The following CSMD1 variants were observed in gnomAD, a reference collection of about 807,000 sequenced individuals.
The protein encoded by CSMD1 is CUB and sushi domain-containing protein 1.
In CSMD1, 213 loss-of-function variants were observed where a neutral mutation model predicts 417.5. The observed-to-expected ratio is 0.51, with a 90% CI of 0.46 to 0.57. The LOEUF (loss-of-function observed/expected upper bound fraction) is 0.57. CSMD1 is among the 20% of genes least tolerant of loss of function. CSMD1 has a pLI of 0.00. For synonymous variants in CSMD1, 2,862 were observed against 1,736.8 expected, an observed-to-expected ratio of 1.65 and a Z score of -16.11; for missense variants, 6,923 against 4,529.7, an observed-to-expected ratio of 1.53 and a Z score of -15.17.
chr8:3,189,043 A>C, intron 34 of CSMD1, 32 bp from the exon 35 acceptor site: 7 of 1,598,632 alleles, frequency 4.4e-6, no homozygotes, highest in Non-Finnish European at 6.0e-6. Context: ...CATGAAATAA[A>C]GTGCTGTGGG....
At chr8:4,127,867 G>A (rs1212854820) in intron 3 of CSMD1, among the ~76,000 whole-genome samples, 1 of 152,114 alleles carries the variant, frequency 6.6e-6, no homozygotes, top group Admixed American at 6.5e-5. Flanking sequence ...AAGAAACCCA[G>A]ACACTGCCAG....
chr8:4,084,917 CA>C (rs151214897), intron 3 of CSMD1, among the ~76,000 whole-genome samples: 1,864 of 152,090 alleles, frequency 0.012, 39 homozygotes, highest in African/African-American at 0.041. Context: ...AAAACAAAAA[CA>C]AAACTACAAA....
At chr8:3,278,812 G>C (rs1213062538) in intron 26 of CSMD1, 2 of 152,156 alleles carry the variant, frequency 1.3e-5, no homozygotes, top group African/African-American at 4.8e-5. Flanking sequence ...GGTTTGGAAA[G>C]ACACCAGCTT....
chr8:4,226,238 A>C (rs150780467), intron 3 of CSMD1, among the ~76,000 whole-genome samples: 4 of 152,200 alleles, frequency 2.6e-5, no homozygotes, highest in African/African-American at 4.8e-5. Flanking sequence ...GCAAAAACAA[A>C]AAGTAAAATA....
At chr8:3,346,295 T>C (rs1264119292) in intron 22 of CSMD1, among the ~76,000 whole-genome samples, 2 of 152,208 alleles carry the variant, frequency 1.3e-5, no homozygotes, top group Non-Finnish European at 2.9e-5. Context: ...GCAATAATAT[T>C]TATCCTTGTG....
chr8:3,171,140 A>C (rs1396238112), intron 37 of CSMD1, among the ~76,000 whole-genome samples: 1 of 152,222 alleles, frequency 6.6e-6, no homozygotes, highest in Non-Finnish European at 1.5e-5. Context: ...TAAAATGAGA[A>C]ATAAACAAGT....
At chr8:3,655,806 G>C (rs150185981) in intron 7 of CSMD1, among the ~76,000 whole-genome samples, 3 of 152,086 alleles carry the variant, frequency 2.0e-5, no homozygotes, top group East Asian at 1.9e-4. Context: ...AAGAAAGAAA[G>C]TCTTCCAATA....
intron 1 of CSMD1, among the ~76,000 whole-genome samples, chr8:4,765,063 C>T (rs1332243563): frequency 6.6e-6 from 1 of 152,076 alleles, no homozygotes; most frequent in East Asian, 1.9e-4. Context: ...AGAGCTATCA[C>T]ACAGCATGAG....
chr8:4,653,490 A>C (rs765847804), intron 1 of CSMD1, among the ~76,000 whole-genome samples: 2 of 152,124 alleles, frequency 1.3e-5, no homozygotes, highest in Non-Finnish European at 2.9e-5. Flanking sequence ...TAAAGGAAAG[A>C]CTTACAGACA....
chr8:4,419,520 C>G (rs896836157), intron 3 of CSMD1, among the ~76,000 whole-genome samples: 5 of 152,104 alleles, frequency 3.3e-5, no homozygotes, highest in Non-Finnish European at 2.9e-5. Flanking sequence ...TTAATTTTCT[C>G]TCTTAAAAAT....
At chr8:4,282,907 G>C (rs1444640594) in intron 3 of CSMD1, among the ~76,000 whole-genome samples, 2 of 152,136 alleles carry the variant, frequency 1.3e-5, no homozygotes, top group African/African-American at 4.8e-5. Context: ...ACTTACCACA[G>C]TTCATTGCTG....
intron 7 of CSMD1, among the ~76,000 whole-genome samples, chr8:3,674,135 G>A (rs994767229): frequency 6.6e-6 from 1 of 152,068 alleles, no homozygotes; most frequent in African/African-American, 2.4e-5. Context: ...CCTAGAAACT[G>A]TCCATTTGTC....
At chr8:3,526,838 T>A (rs897005961) in intron 10 of CSMD1, among the ~76,000 whole-genome samples, 6 of 152,216 alleles carry the variant, frequency 3.9e-5, no homozygotes, top group African/African-American at 1.2e-4. Context: ...TCTCCTTTGC[T>A]TTCTTATTTA....
chr8:4,583,476 G>A (rs1799545933), intron 2 of CSMD1, among the ~76,000 whole-genome samples: 2 of 151,924 alleles, frequency 1.3e-5, no homozygotes, highest in Non-Finnish European at 1.5e-5. Context: ...GGGCCTTGGA[G>A]AACCTTTATG....
At chr8:3,421,606 T>A (rs1813492219) in intron 12 of CSMD1, among the ~76,000 whole-genome samples, 1 of 152,134 alleles carries the variant, frequency 6.6e-6, no homozygotes, top group Admixed American at 6.5e-5. Flanking sequence ...ATAAAAAAAA[T>A]CCCCAGATTT....
chr8:3,312,971 ATT>A (rs1183055618), intron 23 of CSMD1, among the ~76,000 whole-genome samples: 5 of 152,212 alleles, frequency 3.3e-5, no homozygotes, highest in Non-Finnish European at 5.9e-5. Flanking sequence ...GAATATAATC[ATT>A]GTTTCCTAAA....
chr8:4,089,920 G>A (rs1235917996), intron 3 of CSMD1, among the ~76,000 whole-genome samples: 2 of 152,076 alleles, frequency 1.3e-5, no homozygotes, highest in African/African-American at 2.4e-5. Context: ...ATGAACCGAG[G>A]AAAGAATATT....
chr8:4,383,911 T>C (rs1803270685), intron 3 of CSMD1, among the ~76,000 whole-genome samples: 1 of 152,330 alleles, frequency 6.6e-6, no homozygotes, highest in South Asian at 2.1e-4. Context: ...CATAAATGTT[T>C]ATAAATATGA....
intron 5 of CSMD1, among the ~76,000 whole-genome samples, chr8:3,883,929 T>C (rs966480694): frequency 2.8e-4 from 42 of 152,278 alleles, no homozygotes; most frequent in African/African-American, 9.1e-4. Flanking sequence ...TATATGAATA[T>C]AGGCATACGC....
Sources: gnomAD v4.1 joint callset for allele counts (sites outside exome capture counted in the v4.1 genomes callset) on GRCh38, gnomAD v4.1.1 for gene constraint, MANE v1.5 for transcripts, NCBI Gene and HGNC (gene_info 2026-07-23, HGNC 2026-07-21) for gene names.